Variants in ATP2B4 observed in about 807,000 individuals in gnomAD.
ATP2B4 encodes the protein plasma membrane calcium-transporting ATPase 4.
ATP2B4 carries 39 observed loss-of-function variants against 110.3 expected under a neutral mutation model. The observed-to-expected ratio is 0.35, with a 90% CI of 0.27 to 0.46. The LOEUF (loss-of-function observed/expected upper bound fraction) is 0.46. Ranked by LOEUF, ATP2B4 falls within the 20% of genes least tolerant of loss-of-function variation. The pLI is 1.00. For synonymous variants in ATP2B4, 538 were observed against 571.7 expected, an observed-to-expected ratio of 0.94 and a Z score of 0.84; for missense variants, 1,135 against 1,530.9, an observed-to-expected ratio of 0.74 and a Z score of 4.32.
At chr1:203,676,682 A>T (rs376871882) in intron 1 of ATP2B4, among the ~76,000 whole-genome samples, 10 of 152,128 alleles carry the variant, frequency 6.6e-5, no homozygotes, top group African/African-American at 2.4e-4. Flanking sequence ...CACCAGGGGG[A>T]GCAAGGCCAA....
chr1:203,708,207 A>G (rs1252684276), intron 10 of ATP2B4, 103 bp downstream of exon 10: 4 of 1,477,352 alleles, frequency 2.7e-6, no homozygotes, highest in African/African-American at 2.8e-5. Context: ...CTAAATTGCC[A>G]TCCCACATCC....
At chr1:203,679,035 T>C (rs553029402) in intron 1 of ATP2B4, among the ~76,000 whole-genome samples, 1 of 152,152 alleles carries the variant, frequency 6.6e-6, no homozygotes, top group South Asian at 2.1e-4. Flanking sequence ...GAGGAAGAGA[T>C]GAGAGAGTTA....
chr1:203,640,140 G>T (rs756669844), intron 1 of ATP2B4, among the ~76,000 whole-genome samples: 1 of 152,096 alleles, frequency 6.6e-6, no homozygotes, highest in East Asian at 1.9e-4. Flanking sequence ...CTAGATATAC[G>T]TAAAGCTTAT....
intron 8 of ATP2B4, among the ~76,000 whole-genome samples, chr1:203,705,022 G>A (rs886816694): frequency 3.3e-5 from 5 of 152,146 alleles, no homozygotes; most frequent in African/African-American, 1.2e-4. Flanking sequence ...GATCTATGCT[G>A]CCCACCATAG....
At chr1:203,635,668 C>T (rs139125752) in intron 1 of ATP2B4, among the ~76,000 whole-genome samples, 9 of 152,118 alleles carry the variant, frequency 5.9e-5, no homozygotes, top group African/African-American at 1.9e-4. Flanking sequence ...AAAGGTGAAA[C>T]TAAGTAAAGG....
intron 1 of ATP2B4, among the ~76,000 whole-genome samples, chr1:203,658,559 C>T (rs563810242): frequency 8.2e-4 from 124 of 150,484 alleles, no homozygotes; most frequent in African/African-American, 2.8e-3. Flanking sequence ...GAAAAAGAAA[C>T]GAAGACGGGA....
chr1:203,724,071 G>A (rs1666430426), intron 19 of ATP2B4, 83 bp downstream of exon 19: 4 of 1,181,218 alleles, frequency 3.4e-6, no homozygotes, highest in Non-Finnish European at 4.8e-6. Context: ...AAGCAACGGT[G>A]GAGACCCCCC....
intron 11 of ATP2B4, among the ~76,000 whole-genome samples, chr1:203,710,424 C>T (rs775973165): frequency 3.3e-5 from 5 of 152,060 alleles, no homozygotes; most frequent in Non-Finnish European, 7.3e-5. Flanking sequence ...AAAGTTGGCA[C>T]TATACCTAAG....
chr1:203,741,332 A>T lies in ATP2B4; in HGVS notation c.*1478A>T, dbSNP rs559258257. On this transcript the variant is annotated 3_prime_UTR_variant, in exon 21 of 21. Transcript: ENST00000357681. ...CCCTGTGCCTTTTTTTCCCCTGAAT[A>T]CTGCCCAAAGCATCCCCTTCCCATC... 1 of 152,512 alleles carries T rather than the reference A, an allele frequency of 6.6e-6. No homozygotes were observed. The highest frequency in any genetic ancestry group is 1.9e-4 in the East Asian group (1 of 5,164). The allele number at this position is 152,512 out of a possible 1,614,324, so 9.4% of individuals were successfully genotyped here.
chr1:203,718,254 A>T lies in ATP2B4; in HGVS notation c.2407-2295A>T, dbSNP rs571417725. On this transcript the variant is annotated intron_variant, in intron 15 of 20. Coordinates refer to ENST00000357681, the MANE Select transcript of ATP2B4 (RefSeq NM_001684.5). ...TTATAGATGTCTAACTTCCTGATTT[A>T]TAACTTTCTAATTTTATTTTATTTT... 1.7e-4 allele frequency among the ~76,000 whole-genome samples: 25 copies of T among 151,242 alleles called. 1 individual carries two copies. The South Asian group carries it at 5.2e-3, about 32-fold the overall frequency.
At chr1:203,718,809 C>T (rs1012531874) in intron 15 of ATP2B4, among the ~76,000 whole-genome samples, 4 of 152,058 alleles carry the variant, frequency 2.6e-5, no homozygotes, top group African/African-American at 7.2e-5. Context: ...GTATATGCTA[C>T]CAGGAATGTG....
intron 10 of ATP2B4, 56 bp from the exon 11 acceptor site, chr1:203,709,245 T>C: frequency 6.2e-7 from 1 of 1,603,116 alleles, no homozygotes; most frequent in Non-Finnish European, 8.5e-7. Flanking sequence ...CTCCCTAAGT[T>C]CTCTGCCTTG....
chr1:203,721,383 A>G lies in ATP2B4; in HGVS notation c.2785A>G (p.Ile929Val). ...CTTGGGCCATGCATTCTATCAGCTC[A>G]TTGTCATCTTTATCCTTGTCTTTGC... ...NILGHAFYQL[I>V]VIFILVFAGE... The change falls in exon 17 of 21, where the codon ATT (isoleucine) becomes GTT (valine). Residue 929 changes from isoleucine to valine, a missense_variant. This residue lies in a region of ATP2B4 where 155 missense variants were observed against 186.2 expected (regional missense o/e 0.83). Transcript: ENST00000357681. The G allele has an allele frequency of 6.2e-7, 1 of 1,613,954 alleles. No individual in the cohort carries two copies. The highest frequency in any genetic ancestry group is 8.5e-7 in the Non-Finnish European group (1 of 1,179,992).
chr1:203,642,576 A>T (rs1663664323), intron 1 of ATP2B4, among the ~76,000 whole-genome samples: 1 of 152,216 alleles, frequency 6.6e-6, no homozygotes, highest in Admixed American at 6.5e-5. Flanking sequence ...CAGGATGCTG[A>T]AGTCTTATAT....
At chr1:203,698,420 T>G in intron 3 of ATP2B4, 66 bp downstream of exon 3, 4 of 1,517,096 alleles carry the variant, frequency 2.6e-6, no homozygotes, top group Admixed American at 1.7e-5. Context: ...CACCAAGCGC[T>G]TAGTATTGGT....
At chr1:203,636,244 G>A (rs778411270) in intron 1 of ATP2B4, among the ~76,000 whole-genome samples, 1 of 152,210 alleles carries the variant, frequency 6.6e-6, no homozygotes, top group Non-Finnish European at 1.5e-5. Flanking sequence ...TCATGCCTGA[G>A]CTAAGCAAGG....
At chr1:203,707,806 G>A (rs1233620297) in intron 9 of ATP2B4, 56 bp from the exon 10 acceptor site, 3 of 1,601,554 alleles carry the variant, frequency 1.9e-6, no homozygotes, top group Non-Finnish European at 2.6e-6. Flanking sequence ...CTTTGACCTA[G>A]ATTTAGGAGA....
At chr1:203,732,093 C>T (rs1341132546) in intron 20 of ATP2B4, among the ~76,000 whole-genome samples, 5 of 144,500 alleles carry the variant, frequency 3.5e-5, no homozygotes, top group African/African-American at 5.1e-5. Context: ...AGGAGAATGG[C>T]GTGAACCCGG....
intron 18 of ATP2B4, among the ~76,000 whole-genome samples, chr1:203,723,420 A>ATCTCTCTCTCTCTCTCTCTCTC (rs34964110): frequency 2.5e-4 from 11 of 44,572 alleles, no homozygotes; most frequent in Non-Finnish European, 3.2e-4. Flanking sequence ...TGAGACAGAT[A>ATCTCTCTCTCTCTCTCTCTCTC]TCTCTCTCTC....
Sources: gnomAD v4.1 joint callset for allele counts (sites outside exome capture counted in the v4.1 genomes callset) on GRCh38, gnomAD v4.1.1 for gene constraint, gnomAD v4.1.1 regional missense constraint, MANE v1.5 for transcripts, NCBI Gene and HGNC (gene_info 2026-07-23, HGNC 2026-07-21) for gene names.